MAML3: variants seen among roughly 807,000 people sequenced by gnomAD.
MAML3 encodes the protein mastermind like transcriptional coactivator 3, also known as mastermind-like protein 3.
MAML3 carries 27 observed loss-of-function variants against 101.9 expected under a neutral mutation model. That is an observed-to-expected ratio of 0.27 (90% CI 0.20 to 0.37). MAML3 has a LOEUF of 0.37. Ranked by LOEUF, MAML3 falls within the 10% of genes least tolerant of loss-of-function variation. The pLI, the probability that MAML3 is intolerant of heterozygous loss-of-function variation, is 1.00. For synonymous variants in MAML3, 501 were observed against 555.9 expected, an observed-to-expected ratio of 0.90 and a Z score of 1.39; for missense variants, 1,316 against 1,444.9, an observed-to-expected ratio of 0.91 and a Z score of 1.45.
intron 2 of MAML3, among the ~76,000 whole-genome samples, chr4:139,841,834 A>T (rs1731367565): frequency 6.6e-6 from 1 of 152,248 alleles, no homozygotes; most frequent in African/African-American, 2.4e-5. Flanking sequence ...TAACAGCTGC[A>T]TTAACAAAAT....
intron 1 of MAML3, among the ~76,000 whole-genome samples, chr4:140,088,819 T>G (rs1727999146): frequency 1.3e-5 from 2 of 152,206 alleles, no homozygotes; most frequent in South Asian, 4.1e-4. Context: ...CTGTGTACTA[T>G]TTCACAATAC....
At chr4:139,918,027 C>CCTATGTT (rs955832321) in intron 1 of MAML3, among the ~76,000 whole-genome samples, 9 of 152,086 alleles carry the variant, frequency 5.9e-5, no homozygotes. Context: ...ATGGGTCACA[C>CCTATGTT]CTATGTTCGG....
chr4:139,754,822 C>T (rs1246406619), intron 2 of MAML3, among the ~76,000 whole-genome samples: 10 of 152,318 alleles, frequency 6.6e-5, no homozygotes, highest in African/African-American at 2.2e-4. Context: ...AAAGAAGACA[C>T]TGTAAATAAA....
intron 1 of MAML3, among the ~76,000 whole-genome samples, chr4:139,975,482 C>T (rs1289024874): frequency 1.3e-5 from 2 of 152,188 alleles, no homozygotes; most frequent in African/African-American, 4.8e-5. Context: ...CTCCTTATCT[C>T]CCTTCCCTGC....
At chr4:139,799,490 T>G (rs558866814) in intron 2 of MAML3, among the ~76,000 whole-genome samples, 96 of 152,290 alleles carry the variant, frequency 6.3e-4, no homozygotes, top group African/African-American at 2.2e-3. Flanking sequence ...GAAAAATAGA[T>G]AGATACTTTA....
At chr4:140,142,761 C>G (rs973123098) in intron 1 of MAML3, among the ~76,000 whole-genome samples, 1 of 152,212 alleles carries the variant, frequency 6.6e-6, no homozygotes, top group Non-Finnish European at 1.5e-5. Context: ...GGTCTTCCAG[C>G]TGTTCTTCCT....
chr4:139,884,414 A>G (rs563314234), intron 2 of MAML3, among the ~76,000 whole-genome samples: 5 of 152,368 alleles, frequency 3.3e-5, no homozygotes, highest in African/African-American at 1.2e-4. Flanking sequence ...ACATACGTGT[A>G]AAGAATAAAG....
chr4:139,778,509 A>G (rs77203278), intron 2 of MAML3, among the ~76,000 whole-genome samples: 1 of 152,252 alleles, frequency 6.6e-6, no homozygotes, highest in Non-Finnish European at 1.5e-5. Context: ...AAGATCTGCT[A>G]TCTCACTTGA....
rs987391679 is a variant in MAML3, at chr4:139,717,173, A to C, written c.*2150T>G. 6.6e-6 allele frequency: 1 copy of C among 152,592 alleles called. No individual in the cohort carries two copies. The highest frequency in any genetic ancestry group is 2.4e-5 in the African/African-American group (1 of 41,428). 9.5% of individuals were successfully genotyped at this position (152,592 alleles called of 1,614,324 possible). ...GCACCGTAGTAAAAACAAAACCAAA[A>C]CAAAACCACCATATTAAAATCTACC... On this transcript the variant is annotated 3_prime_UTR_variant, in exon 5 of 5. Coordinates refer to ENST00000509479, the MANE Select transcript of MAML3 (RefSeq NM_018717.5).
At chr4:139,746,976 C>T (rs762525794) in intron 2 of MAML3, among the ~76,000 whole-genome samples, 6 of 152,266 alleles carry the variant, frequency 3.9e-5, no homozygotes, top group Non-Finnish European at 5.9e-5. Context: ...GGCCACCGGC[C>T]GTGGCTTTCC....
intron 1 of MAML3, among the ~76,000 whole-genome samples, chr4:139,986,944 C>T (rs1179864750): frequency 6.6e-6 from 1 of 152,120 alleles, no homozygotes; most frequent in African/African-American, 2.4e-5. Context: ...GAATATTTCA[C>T]CATGGACAGT....
At chr4:139,882,694 C>T (rs998777429) in intron 2 of MAML3, among the ~76,000 whole-genome samples, 1 of 152,022 alleles carries the variant, frequency 6.6e-6, no homozygotes, top group African/African-American at 2.4e-5. Flanking sequence ...ACTAAAAATA[C>T]AAAAATTAGC....
At chr4:139,826,994 A>C (rs1179924424) in intron 2 of MAML3, among the ~76,000 whole-genome samples, 1 of 152,200 alleles carries the variant, frequency 6.6e-6, no homozygotes, top group Non-Finnish European at 1.5e-5. Flanking sequence ...GTAAGCCAGA[A>C]GTTCTAGGTA....
chr4:139,747,993 G>A (rs1462729737), intron 2 of MAML3, among the ~76,000 whole-genome samples: 1 of 142,704 alleles, frequency 7.0e-6, no homozygotes, highest in Non-Finnish European at 1.5e-5. Context: ...GGTGGAGGTT[G>A]CAGTGAGCCA....
At chr4:139,878,297 C>G (rs942161226) in intron 2 of MAML3, among the ~76,000 whole-genome samples, 6 of 152,154 alleles carry the variant, frequency 3.9e-5, no homozygotes, top group African/African-American at 1.4e-4. Flanking sequence ...GCTGCACTGA[C>G]CCTTGCTGTT....
intron 2 of MAML3, among the ~76,000 whole-genome samples, chr4:139,817,445 T>C (rs1168054545): frequency 6.6e-6 from 1 of 152,220 alleles, no homozygotes; most frequent in Non-Finnish European, 1.5e-5. Context: ...TGTCAGTGAC[T>C]GGGACCACTG....
intron 1 of MAML3, among the ~76,000 whole-genome samples, chr4:139,946,810 C>A (rs1253315937): frequency 1.3e-5 from 2 of 151,128 alleles, no homozygotes; most frequent in East Asian, 3.9e-4. Flanking sequence ...TACTACACTT[C>A]TAAAACTACC....
intron 1 of MAML3, among the ~76,000 whole-genome samples, chr4:140,036,352 T>C (rs1188673083): frequency 6.6e-6 from 1 of 152,134 alleles, no homozygotes; most frequent in Non-Finnish European, 1.5e-5. Context: ...TCACCCAGCA[T>C]GCAGGAACAT....
chr4:139,994,786 G>GTGTGTGTGTGTGTGT (rs1553968047), intron 1 of MAML3, among the ~76,000 whole-genome samples: 12 of 150,222 alleles, frequency 8.0e-5, no homozygotes, highest in African/African-American at 2.9e-4. Flanking sequence ...GCTGGTGGGG[G>GTGTGTGTGTGTGTGT]GTGTGTGTGT....
Sources: gnomAD v4.1 joint callset for allele counts (sites outside exome capture counted in the v4.1 genomes callset) on GRCh38, gnomAD v4.1.1 for gene constraint, MANE v1.5 for transcripts, NCBI Gene and HGNC (gene_info 2026-07-23, HGNC 2026-07-21) for gene names.